Variants in SUGCT observed in about 807,000 individuals in gnomAD.
SUGCT encodes succinyl-CoA:glutarate-CoA transferase, also known as succinyl-CoA:glutarate CoA-transferase.
Under a neutral mutation model 55.0 loss-of-function variants are expected in SUGCT, and 41 were observed. The ratio of observed to expected loss-of-function variants is 0.74; its 90% CI spans 0.58 to 0.97. The LOEUF is 0.97. Among genes scored for constraint, SUGCT ranks in the 50% least tolerant of loss-of-function variants. The probability of loss-of-function intolerance (pLI) is 0.00; values close to 1 mark genes in which losing one functional copy is unlikely to be tolerated. For missense variants in SUGCT, 568 were observed against 547.8 expected (o/e 1.04, Z -0.37); for synonymous variants, 187 against 200.4 (o/e 0.93, Z 0.56).
At chr7:40,358,756 T>C (rs1798003631) in intron 9 of SUGCT, among the ~76,000 whole-genome samples, 1 of 119,252 alleles carries the variant, frequency 8.4e-6, no homozygotes, top group South Asian at 3.0e-4. Context: ...ACAACAACAC[T>C]ACTATTCATA....
At chr7:40,448,946 G>GTA (rs1298814067) in intron 9 of SUGCT, among the ~76,000 whole-genome samples, 21 of 145,488 alleles carry the variant, frequency 1.4e-4, no homozygotes, top group African/African-American at 4.5e-4. Flanking sequence ...GTGTGTGTGT[G>GTA]TGTGTATATA....
intron 11 of SUGCT, among the ~76,000 whole-genome samples, chr7:40,468,912 C>A (rs1790266649): frequency 6.6e-6 from 1 of 152,036 alleles, no homozygotes; most frequent in Non-Finnish European, 1.5e-5. Context: ...TGAAGAGGGA[C>A]AAAATGAGAA....
intron 12 of SUGCT, among the ~76,000 whole-genome samples, chr7:40,716,028 A>T (rs1473770514): frequency 6.6e-6 from 1 of 152,228 alleles, no homozygotes; most frequent in East Asian, 1.9e-4. Flanking sequence ...TTTAGTGCTA[A>T]GCACAGACAA....
intron 9 of SUGCT, among the ~76,000 whole-genome samples, chr7:40,366,387 T>C (rs1783967936): frequency 6.6e-6 from 1 of 152,026 alleles, no homozygotes; most frequent in African/African-American, 2.4e-5. Context: ...CCAAAAGCAA[T>C]GGCAACAAAA....
intron 12 of SUGCT, among the ~76,000 whole-genome samples, chr7:40,513,334 G>C (rs1417562998): frequency 6.6e-6 from 1 of 152,076 alleles, no homozygotes; most frequent in Non-Finnish European, 1.5e-5. Flanking sequence ...TGTGCTTCAG[G>C]TTACCAGAAA....
At chr7:40,538,606 G>A (rs1291108046) in intron 12 of SUGCT, 2 of 152,154 alleles carry the variant, frequency 1.3e-5, no homozygotes, top group African/African-American at 2.4e-5. Flanking sequence ...TGTTACATAA[G>A]CACTGCATGT....
intron 9 of SUGCT, among the ~76,000 whole-genome samples, chr7:40,363,201 CT>C (rs1312972012): frequency 6.6e-6 from 1 of 151,784 alleles, no homozygotes; most frequent in African/African-American, 2.4e-5. Context: ...ATTCTTCTCT[CT>C]TTTTTTCTTT....
chr7:40,448,716 G>C (rs1788998259), intron 9 of SUGCT, among the ~76,000 whole-genome samples: 1 of 152,072 alleles, frequency 6.6e-6, no homozygotes, highest in Non-Finnish European at 1.5e-5. Context: ...ATGATGCCAT[G>C]CACCTGTAGT....
At chr7:40,963,383 A>G in the SUGCT span, among the ~76,000 whole-genome samples, 2 of 152,280 alleles carry the variant, frequency 1.3e-5, no homozygotes, top group East Asian at 1.9e-4. Flanking sequence ...AGTCTTCCCA[A>G]TGCAGCAAAT....
chr7:40,829,601 G>C (rs1185768656), intron 13 of SUGCT, among the ~76,000 whole-genome samples: 1 of 152,040 alleles, frequency 6.6e-6, no homozygotes, highest in South Asian at 2.1e-4. Flanking sequence ...CAAAAAAAAG[G>C]ACACAAAGAA....
intron 9 of SUGCT, among the ~76,000 whole-genome samples, chr7:40,379,438 C>A (rs1006118429): frequency 6.6e-6 from 1 of 152,060 alleles, no homozygotes; most frequent in Admixed American, 6.6e-5. Context: ...TTCCCACATG[C>A]CTTGTATTTT....
the SUGCT span, among the ~76,000 whole-genome samples, chr7:41,004,704 T>G: frequency 2.6e-5 from 4 of 152,212 alleles, no homozygotes; most frequent in Admixed American, 6.5e-5. Context: ...TTTGAAAACA[T>G]GTACCCAGTG....
intron 12 of SUGCT, among the ~76,000 whole-genome samples, chr7:40,506,584 T>A (rs1328922480): frequency 6.6e-6 from 1 of 152,218 alleles, no homozygotes; most frequent in Non-Finnish European, 1.5e-5. Context: ...ATGTTTTTCA[T>A]AAAATCTGAA....
chr7:40,533,110 C>A (rs780669464), intron 12 of SUGCT, among the ~76,000 whole-genome samples: 2 of 152,018 alleles, frequency 1.3e-5, no homozygotes, highest in African/African-American at 4.8e-5. Flanking sequence ...CCATGAAATA[C>A]AAGTAGCATT....
At chr7:40,162,590 C>T (rs912429029) in intron 1 of SUGCT, among the ~76,000 whole-genome samples, 6 of 152,200 alleles carry the variant, frequency 3.9e-5, no homozygotes, top group Admixed American at 6.5e-5. Context: ...GATCCTTCCA[C>T]GTCAGCCTCC....
chr7:41,024,612 A>G, the SUGCT span, among the ~76,000 whole-genome samples: 2 of 151,744 alleles, frequency 1.3e-5, no homozygotes, highest in Non-Finnish European at 2.9e-5. Flanking sequence ...TGACAGGGAA[A>G]TGAAGATTAA....
intron 9 of SUGCT, among the ~76,000 whole-genome samples, chr7:40,436,472 T>G (rs1788184812): frequency 6.6e-6 from 1 of 152,206 alleles, no homozygotes. Context: ...ATACACTATA[T>G]AAGCCAATTT....
intron 9 of SUGCT, among the ~76,000 whole-genome samples, chr7:40,323,178 G>A (rs1182671524): frequency 6.6e-6 from 1 of 151,844 alleles, no homozygotes; most frequent in Non-Finnish European, 1.5e-5. Flanking sequence ...AATCCACATA[G>A]AGGACCCTTG....
At chr7:40,603,022 G>C (rs1273637972) in intron 12 of SUGCT, among the ~76,000 whole-genome samples, 4 of 152,116 alleles carry the variant, frequency 2.6e-5, no homozygotes, top group African/African-American at 9.7e-5. Flanking sequence ...GGACTGAGGG[G>C]AACAGAACTC....
Sources: allele counts gnomAD v4.1 joint callset (sites outside exome capture counted in the v4.1 genomes callset), GRCh38; gene constraint gnomAD v4.1.1; transcripts MANE v1.5; gene names NCBI Gene and HGNC (gene_info 2026-07-23, HGNC 2026-07-21).